The following DDA1 variants were observed in gnomAD, a reference collection of about 807,000 sequenced individuals.
DDA1 encodes DET1 and DDB1 associated 1.
In DDA1, 3 loss-of-function variants were observed where a neutral mutation model predicts 18.6. The observed-to-expected ratio is 0.16, with a 90% CI of 0.07 to 0.42. The LOEUF (loss-of-function observed/expected upper bound fraction) is 0.42, where lower values mean the gene tolerates loss of function less well. Among genes scored for constraint, DDA1 ranks in the 10% least tolerant of loss-of-function variants. The pLI is 0.99. For missense variants in DDA1, 105 were observed against 138.2 expected, an observed-to-expected ratio of 0.76 and a Z score of 1.20; for synonymous variants, 52 against 54.0, an observed-to-expected ratio of 0.96 and a Z score of 0.17.
At chr19:17,311,261 G>A (rs1329203720) in intron 1 of DDA1, among the ~76,000 whole-genome samples, 1 of 151,726 alleles carries the variant, frequency 6.6e-6, no homozygotes, top group African/African-American at 2.4e-5. Flanking sequence ...CGCCTCCTGG[G>A]TTCAAGCCAT....
intron 4 of DDA1, among the ~76,000 whole-genome samples, 156 bp downstream of exon 4, chr19:17,316,151 T>G (rs1218033739): frequency 2.0e-5 from 3 of 152,022 alleles, no homozygotes; most frequent in Admixed American, 6.6e-5. Flanking sequence ...GGAAGAGCGT[T>G]CCAGTGGAGG....
In DDA1 at chr19:17,314,329, C is replaced by T. The variant is rs1272639554; in HGVS notation, c.85-9C>T. 6.2e-7 allele frequency: 1 copy of T among 1,614,254 alleles called. No individual in the cohort carries two copies. Among genetic ancestry groups the T allele is most frequent in the Non-Finnish European group, 8.5e-7 (1 of 1,180,046 alleles). On this transcript the variant is annotated splice_polypyrimidine_tract_variant and intron_variant, in intron 2 of 4. Coordinates refer to ENST00000359866, the MANE Select transcript of DDA1 (RefSeq NM_024050.6). This position sits in a 1 kb window ranked among gnomAD's most constrained non-coding sequence, Gnocchi z 4.6. ...TCTCCTAACCCACCCCTTCTCAACC[C>T]TCCTGCAGAACCGACGGCCCTCAGT... is the stretch of plus-strand genomic sequence containing the variant.
intron 3 of DDA1, among the ~76,000 whole-genome samples, chr19:17,315,179 ACGTGTATACACAC>A (rs2074199235): frequency 2.5e-5 from 1 of 40,700 alleles, no homozygotes; most frequent in African/African-American, 1.9e-4. Context: ...ATATACACAC[ACGTGTATACACAC>A]ACGTGTATAC....
intron 1 of DDA1, chr19:17,310,136 T>A (rs2074172347): frequency 6.1e-6 from 1 of 163,332 alleles, no homozygotes. Context: ...CCCCGGGCCC[T>A]GACCCCACCT....
chr19:17,312,534 G>GGGGGAC (rs1370535010), intron 1 of DDA1, among the ~76,000 whole-genome samples: 3 of 152,086 alleles, frequency 2.0e-5, no homozygotes, highest in African/African-American at 7.2e-5. Context: ...GGGCTGCGAA[G>GGGGGAC]GGGGACAGGG....
chr19:17,309,581 G>C lies in DDA1; in HGVS notation c.-74G>C. Reference sequence around the variant, plus strand: ...TGGCTGGAAGTTACTGTGAGGCGGCGGCTAAGAAGGCGGCTCTGGTGGCGG... The same window carrying C: ...TGGCTGGAAGTTACTGTGAGGCGGCCGCTAAGAAGGCGGCTCTGGTGGCGG... On this transcript the variant is annotated 5_prime_UTR_variant, in exon 1 of 5. Coordinates refer to ENST00000359866, the MANE Select transcript of DDA1 (RefSeq NM_024050.6). 6.7e-7 allele frequency: 1 copy of C among 1,499,880 alleles called. No individual in the cohort carries two copies. Among genetic ancestry groups the C allele is most frequent in the Non-Finnish European group, 9.3e-7 (1 of 1,078,934 alleles). The allele number at this position is 1,499,880 out of a possible 1,614,324, so 92.9% of individuals were successfully genotyped here.
At chr19:17,317,538 T>C (rs925762479) in intron 4 of DDA1, among the ~76,000 whole-genome samples, 1 of 150,788 alleles carries the variant, frequency 6.6e-6, no homozygotes, top group Non-Finnish European at 1.5e-5. Flanking sequence ...AAAAGAAATC[T>C]AGGTAACATG....
chr19:17,315,779 T>C (rs1447968117), intron 3 of DDA1, 155 bp from the exon 4 acceptor site: 3 of 733,544 alleles, frequency 4.1e-6, no homozygotes, highest in Non-Finnish European at 7.1e-6. Flanking sequence ...TGGGAGTAGC[T>C]GCGAGTGTGC....
intron 1 of DDA1, among the ~76,000 whole-genome samples, chr19:17,313,445 T>C (rs1195385614): frequency 7.2e-6 from 1 of 139,262 alleles, no homozygotes; most frequent in Non-Finnish European, 1.6e-5. Context: ...TTTTTTTTTT[T>C]TTTTTTTTTT....
chr19:17,314,463 G>A lies in DDA1; in HGVS notation c.136+74G>A, dbSNP rs963235024. On this transcript the variant is annotated intron_variant, in intron 3 of 4. Transcript: ENST00000359866. This position sits in a 1 kb window ranked among gnomAD's most constrained non-coding sequence, Gnocchi z 4.6. ...GTTTGGTGACTGCAGCGTGGCACGC[G>A]GAGGTTATCTTCAACCCCGGCCCAG... 3.0e-5 allele frequency: 48 copies of A among 1,590,082 alleles called. No individual in the cohort carries two copies. Among genetic ancestry groups the A allele is most frequent in the Non-Finnish European group, 3.8e-5 (44 of 1,158,998 alleles).
At chr19:17,316,099 C>T in intron 4 of DDA1, 104 bp downstream of exon 4, 1 of 1,343,414 alleles carries the variant, frequency 7.4e-7, no homozygotes, top group Non-Finnish European at 1.1e-6. Flanking sequence ...TGGAGCAGGG[C>T]CTTGAGGGCT....
At position 17,314,145 on chromosome 19, in the gene DDA1, C is replaced by T. The variant is rs1248456921; in HGVS notation, c.84+42C>T. 5 of 1,605,172 alleles carry T rather than the reference C, an allele frequency of 3.1e-6. No individual in the cohort carries two copies. Among genetic ancestry groups the T allele is most frequent in the East Asian group, 2.2e-5 (1 of 44,742 alleles). The stretch of plus-strand genomic sequence containing the variant: ...GGGACTGGGAGGAATTGGTCACTTC[C>T]AGGGGGCCTGGGGGCAGCTTGTGTC... On this transcript the variant is annotated intron_variant, in intron 2 of 4. Transcript: ENST00000359866. This position sits in a 1 kb window ranked among gnomAD's most constrained non-coding sequence, Gnocchi z 4.6.
rs1477165489 is a variant in DDA1, at chr19:17,315,460, C to T, written c.137-474C>T. ...TATATATATATATATATATATTAGC[C>T]GGGCGTGGTGGCATGCATCTATAGT... On this transcript the variant is annotated intron_variant, in intron 3 of 4. Transcript: ENST00000359866. Among the ~76,000 whole-genome samples the T allele has an allele frequency of 2.3e-4, 16 of 68,116 alleles. 1 individual carries two copies. The highest frequency in any genetic ancestry group is 1.5e-3 in the Admixed American group (14 of 9,114). The allele number at this position is 68,116 out of a possible 152,430, so 44.7% of individuals were successfully genotyped here. A position where few individuals can be genotyped will look rare whatever the true frequency, so the allele number is the denominator to read the frequency against.
At chr19:17,311,728 C>G (rs976680719) in intron 1 of DDA1, among the ~76,000 whole-genome samples, 1 of 152,248 alleles carries the variant, frequency 6.6e-6, no homozygotes, top group African/African-American at 2.4e-5. Flanking sequence ...TCATTCCTGA[C>G]TTTGGGGGGC....
chr19:17,318,786 C>A (rs1189318185), intron 4 of DDA1, among the ~76,000 whole-genome samples: 3 of 151,914 alleles, frequency 2.0e-5, no homozygotes, highest in Admixed American at 2.0e-4. Context: ...CTGCCTCAGC[C>A]TCCAGAGTAG....
intron 1 of DDA1, among the ~76,000 whole-genome samples, chr19:17,312,090 CCT>C (rs1477233571): frequency 6.6e-6 from 1 of 152,150 alleles, no homozygotes; most frequent in Non-Finnish European, 1.5e-5. Context: ...GGGAGGTGGC[CCT>C]GTTGGAATGC....
chr19:17,317,829 ACT>A (rs200884023), intron 4 of DDA1, among the ~76,000 whole-genome samples: 13,003 of 151,994 alleles, frequency 0.086, 643 homozygotes, highest in Non-Finnish European at 0.11. Flanking sequence ...ACAGAACCAG[ACT>A]CTGTCTCTAG....
In DDA1 at chr19:17,321,677, G is replaced by A. The variant is rs2074240528; in HGVS notation, c.*2021G>A. ...TCCGCCTGCCCCAGATTCCACTGTG[G>A]AGGGCCCTGCCTGTGTCAGACCCTC... On this transcript the variant is annotated 3_prime_UTR_variant, in exon 5 of 5. Transcript: ENST00000359866. 6.6e-6 allele frequency: 1 copy of A among 152,354 alleles called. No individual in the cohort carries two copies. The highest frequency in any genetic ancestry group is 6.5e-5 in the Admixed American group (1 of 15,284). The allele number at this position is 152,354 out of a possible 1,614,324, so 9.4% of individuals were successfully genotyped here. A position where few individuals can be genotyped will look rare whatever the true frequency, so the allele number is the denominator to read the frequency against.
intron 3 of DDA1, 27 bp from the exon 4 acceptor site, chr19:17,315,907 G>A: frequency 6.2e-7 from 1 of 1,613,484 alleles, no homozygotes; most frequent in South Asian, 1.1e-5. Flanking sequence ...GGAGGCGTCT[G>A]CGACTTTCTC....
Sources: gnomAD v4.1 joint callset for allele counts (sites outside exome capture counted in the v4.1 genomes callset) on GRCh38, gnomAD v4.1.1 for gene constraint, Gnocchi (gnomAD v3.1) non-coding constraint, MANE v1.5 for transcripts, NCBI Gene and HGNC (gene_info 2026-07-23, HGNC 2026-07-21) for gene names.